Variants in CDK14 observed in about 807,000 individuals in gnomAD.
CDK14 encodes the protein cyclin dependent kinase 14.
In CDK14, 34 loss-of-function variants were observed where a neutral mutation model predicts 60.7. The observed-to-expected ratio is 0.56, with a 90% CI of 0.43 to 0.75. The LOEUF (loss-of-function observed/expected upper bound fraction) is 0.75. Ranked by LOEUF, CDK14 falls within the 30% of genes least tolerant of loss-of-function variation. The pLI, the probability that CDK14 is intolerant of heterozygous loss-of-function variation, is 0.00. For missense variants in CDK14, 482 were observed against 564.1 expected (o/e 0.85, Z 1.47); for synonymous variants, 197 against 203.7 (o/e 0.97, Z 0.28).
intron 3 of CDK14, among the ~76,000 whole-genome samples, chr7:90,740,552 G>A (rs1803305101): frequency 6.6e-6 from 1 of 152,080 alleles, no homozygotes; most frequent in Non-Finnish European, 1.5e-5. Context: ...AAGAGAAGGT[G>A]GCCATCTGCA....
intron 14 of CDK14, among the ~76,000 whole-genome samples, chr7:91,192,969 G>C (rs2115949647): frequency 6.6e-6 from 1 of 152,316 alleles, no homozygotes; most frequent in East Asian, 1.9e-4. Context: ...ATGATGCATA[G>C]ACTGAGTGAG....
intron 14 of CDK14, among the ~76,000 whole-genome samples, chr7:91,200,331 A>T (rs922651506): frequency 6.6e-6 from 1 of 152,206 alleles, no homozygotes; most frequent in African/African-American, 2.4e-5. Flanking sequence ...GTGTTTGCCT[A>T]GGTGCTTAGG....
At chr7:91,182,556 T>A (rs56387658) in intron 14 of CDK14, among the ~76,000 whole-genome samples, 11,176 of 151,836 alleles carry the variant, frequency 0.074, 471 homozygotes, top group Admixed American at 0.12. Context: ...ACATAAAATT[T>A]AAAAAAATAG....
At chr7:91,165,966 T>A (rs17163657) in intron 14 of CDK14, among the ~76,000 whole-genome samples, 6,778 of 152,290 alleles carry the variant, frequency 0.045, 503 homozygotes, top group African/African-American at 0.15. Context: ...TGCATACTTT[T>A]TAAGCAAACT....
intron 5 of CDK14, among the ~76,000 whole-genome samples, chr7:90,862,624 T>C (rs1229198269): frequency 6.6e-6 from 1 of 152,058 alleles, no homozygotes; most frequent in Non-Finnish European, 1.5e-5. Flanking sequence ...AGTAAGGATA[T>C]ATTAATAGAA....
chr7:90,865,650 G>A (rs889268130), intron 6 of CDK14, among the ~76,000 whole-genome samples: 3 of 152,142 alleles, frequency 2.0e-5, no homozygotes, highest in African/African-American at 7.2e-5. Context: ...TGGGATGAAT[G>A]AGTGAGGGCC....
At chr7:90,848,689 G>A (rs1584041693) in intron 5 of CDK14, among the ~76,000 whole-genome samples, 1 of 152,214 alleles carries the variant, frequency 6.6e-6, no homozygotes, top group Middle Eastern at 3.4e-3. Flanking sequence ...AGCCACATTA[G>A]TCTTATCTGA....
intron 2 of CDK14, among the ~76,000 whole-genome samples, chr7:90,652,780 CTTAAAGG>C (rs1396780925): frequency 6.6e-6 from 1 of 152,226 alleles, no homozygotes; most frequent in East Asian, 1.9e-4. Context: ...AAACCTGAGG[CTTAAAGG>C]TTAAATCATT....
chr7:91,167,748 C>T (rs1801388969), intron 14 of CDK14, among the ~76,000 whole-genome samples: 1 of 152,050 alleles, frequency 6.6e-6, no homozygotes, highest in African/African-American at 2.4e-5. Flanking sequence ...GCTAGGTTTG[C>T]CATTTTGTTG....
chr7:90,604,206 CT>C lies in CDK14; in HGVS notation c.92-10del. On this transcript the variant is annotated splice_polypyrimidine_tract_variant and intron_variant, in intron 1 of 14. Transcript: ENST00000380050. ...TCACAATAACTGTTTCCTTTTCCTT[CT>C]TATTTTATAGCTTTGAAGAAAGATG... The C allele has an allele frequency of 6.6e-7, 1 of 1,514,756 alleles. No individual in the cohort carries two copies. Among genetic ancestry groups the C allele is most frequent in the Non-Finnish European group, 8.9e-7 (1 of 1,119,174 alleles). The allele number at this position is 1,514,756 out of a possible 1,614,324, so 93.8% of individuals were successfully genotyped here. A position where few individuals can be genotyped will look rare whatever the true frequency, so the allele number is the denominator to read the frequency against.
chr7:90,748,124 A>C (rs566147819), intron 4 of CDK14, among the ~76,000 whole-genome samples: 2 of 152,302 alleles, frequency 1.3e-5, no homozygotes, highest in South Asian at 4.1e-4. Context: ...AGGAGTATTG[A>C]TTTGACAATG....
intron 3 of CDK14, among the ~76,000 whole-genome samples, chr7:90,731,002 C>T (rs930180603): frequency 4.6e-5 from 7 of 152,198 alleles, no homozygotes; most frequent in African/African-American, 1.7e-4. Flanking sequence ...ACATTTAAGT[C>T]TATAACCCAT....
chr7:90,805,120 A>C (rs1788771481), intron 5 of CDK14, among the ~76,000 whole-genome samples: 1 of 152,114 alleles, frequency 6.6e-6, no homozygotes, highest in African/African-American at 2.4e-5. Context: ...CAAAGATAAT[A>C]CATTCTTCCA....
intron 2 of CDK14, among the ~76,000 whole-genome samples, chr7:90,627,782 A>C (rs1799907722): frequency 6.6e-6 from 1 of 152,176 alleles, no homozygotes; most frequent in South Asian, 2.1e-4. Context: ...CAATAGTGAT[A>C]AAAACTGCTT....
intron 11 of CDK14, among the ~76,000 whole-genome samples, chr7:91,072,319 C>T (rs1562892482): frequency 6.6e-6 from 1 of 152,108 alleles, no homozygotes; most frequent in Non-Finnish European, 1.5e-5. Flanking sequence ...GGAGCAGGTA[C>T]CCATCTTTGC....
At chr7:90,795,352 C>A (rs1788376844) in intron 5 of CDK14, among the ~76,000 whole-genome samples, 1 of 151,966 alleles carries the variant, frequency 6.6e-6, no homozygotes, top group Non-Finnish European at 1.5e-5. Context: ...ATGTGAGCAC[C>A]ACTCTTCAGT....
chr7:90,973,380 G>A (rs534877912), intron 9 of CDK14, among the ~76,000 whole-genome samples: 1 of 152,232 alleles, frequency 6.6e-6, no homozygotes, highest in East Asian at 1.9e-4. Flanking sequence ...AATTGAAACT[G>A]TCACTCTGCT....
intron 2 of CDK14, among the ~76,000 whole-genome samples, chr7:90,717,323 T>G (rs2116672422): frequency 6.6e-6 from 1 of 152,172 alleles, no homozygotes; most frequent in South Asian, 2.1e-4. Context: ...ATACCAAAGC[T>G]TAAGCTTCTG....
rs1793173347 is a variant in CDK14, at chr7:90,919,322, A to C, written c.826+1598A>C. Reference sequence around the variant, plus strand: ...TCTGTATAACCAAGGATACAATAGGATTGTATGTTTGTGCTTACTAGGGAT... The same window carrying C: ...TCTGTATAACCAAGGATACAATAGGCTTGTATGTTTGTGCTTACTAGGGAT... On this transcript the variant is annotated intron_variant, in intron 8 of 14. Transcript: ENST00000380050. Among the ~76,000 whole-genome samples the C allele has an allele frequency of 4.6e-5, 7 of 152,178 alleles. No individual in the cohort carries two copies. The South Asian group carries it at 1.5e-3, about 32-fold the overall frequency.
Sources: allele counts gnomAD v4.1 joint callset (sites outside exome capture counted in the v4.1 genomes callset), GRCh38; gene constraint gnomAD v4.1.1; transcripts MANE v1.5; gene names NCBI Gene and HGNC (gene_info 2026-07-23, HGNC 2026-07-21).